TAB3: variants seen among roughly 807,000 people sequenced by gnomAD.
TAB3 encodes TGF-beta-activated kinase 1 and MAP3K7-binding protein 3.
A neutral mutation model predicts 48.1 loss-of-function variants in TAB3; 18 were observed. That is an observed-to-expected ratio of 0.37 (90% CI 0.26 to 0.55). TAB3 has a LOEUF of 0.55. Ranked by LOEUF, TAB3 falls within the 20% of genes least tolerant of loss-of-function variation. The probability of loss-of-function intolerance (pLI) is 0.78; values close to 1 mark genes in which losing one functional copy is unlikely to be tolerated. For missense variants in TAB3, 414 were observed against 549.8 expected (o/e 0.75, Z 2.47); for synonymous variants, 185 against 190.2 (o/e 0.97, Z 0.22).
At chrX:30,843,105 A>AT (rs746881054) in intron 8 of TAB3, 56 bp from the exon 9 acceptor site, 260 of 690,807 alleles carry the variant, frequency 3.8e-4, no homozygotes, top group African/African-American at 5.2e-4. Context: ...CTGTTATTTG[A>AT]TTTTTTTTTA....
intron 10 of TAB3, among the ~76,000 whole-genome samples, chrX:30,833,792 C>T (rs1255954464): frequency 5.2e-5 from 5 of 96,709 alleles, no homozygotes; most frequent in Non-Finnish European, 1.0e-4. Flanking sequence ...GATAGCGCCA[C>T]TGCACTCCAG....
rs1938006499 is a variant in TAB3 at position 30,830,913 on chromosome X, C to CCT, written c.*513_*514insAG. The CCT allele has an allele frequency of 2.8e-4, 2 of 7,242 alleles. No individual in the cohort carries two copies. The highest frequency in any genetic ancestry group is 4.0e-4 in the African/African-American group (1 of 2,528). The allele number at this position is 7,242 out of a possible 1,213,427, so 0.6% of individuals were successfully genotyped here. On this transcript the variant is annotated 3_prime_UTR_variant, in exon 11 of 11. Transcript: ENST00000288422. ...ATTACAAATACCCTTAATTAATTTG[C>CCT]CCCCCCCCCCCAAATATTCTAGGTG...
rs56260124 is a variant in TAB3, at chrX:30,839,914, T to TTA, written c.1888+3050_1888+3051dup. 6.5e-3 allele frequency among the ~76,000 whole-genome samples: 531 copies of TTA among 82,185 alleles called. 4 individuals are homozygous for TTA. The highest frequency in any genetic ancestry group is 0.051 in the South Asian group (77 of 1,521). The allele number at this position is 82,185 out of a possible 115,157, so 71.4% of individuals were successfully genotyped here. A position where few individuals can be genotyped will look rare whatever the true frequency, so the allele number is the denominator to read the frequency against. On this transcript the variant is annotated intron_variant, in intron 9 of 10. Transcript: ENST00000288422. Reference sequence around the variant, plus strand: ...TTCAGTTTCTTTATACATATATATATTATATATATATATATATATATATAT... The same window carrying TTA: ...TTCAGTTTCTTTATACATATATATATTATATATATATATATATATATATATAT...
Position 30,876,917 on chromosome X carries a change from G to A in TAB3, c.-382-5116C>T, listed in dbSNP as rs1939857251. 2.7e-5 allele frequency among the ~76,000 whole-genome samples: 3 copies of A among 111,233 alleles called. No individual in the cohort carries two copies. In the South Asian group the frequency reaches 1.1e-3, roughly 42 times the overall value. On this transcript the variant is annotated intron_variant, in intron 1 of 10. Transcript: ENST00000288422. ...GAAACATGGAAGATACAGTGAGAAA[G>A]GTCTAATATCCAAGAGTTAATCAGA...
rs368317516 is a variant in TAB3 at position 30,854,583 on chromosome X, C to A, written c.1082G>T (p.Gly361Val). Residue 361 changes from glycine to valine, a missense_variant, in exon 6 of 11, where the codon GGT (glycine) becomes GTT (valine). By Grantham distance (109) the Gly-to-Val change is moderately radical. Transcript: ENST00000288422. Reference protein sequence around the residue: ...LPYTASSLSKGSMKKIEITVE... With the variant: ...LPYTASSLSKVSMKKIEITVE... ...TGTAATTTCTATCTTCTTCATGGAA[C>A]CTTTGGATAAACTAGATGCTGTGTA... 1.1e-4 allele frequency: 133 copies of A among 1,209,585 alleles called. No individual in the cohort carries two copies. Among genetic ancestry groups the A allele is most frequent in the Non-Finnish European group, 1.4e-4 (124 of 895,109 alleles).
chrX:30,844,084 G>T (rs1340760474), intron 8 of TAB3: 1 of 108,023 alleles, frequency 9.3e-6, no homozygotes, highest in Non-Finnish European at 1.9e-5. Context: ...TTATTCCCCT[G>T]CCTCCCCCCG....
At chrX:30,864,056 AATG>A (rs1248967077) in intron 4 of TAB3, among the ~76,000 whole-genome samples, 1 of 111,594 alleles carries the variant, frequency 9.0e-6, no homozygotes, top group Non-Finnish European at 1.9e-5. Context: ...ATAAGTGCTG[AATG>A]ATGATTTGTC....
At chrX:30,852,551 G>A (rs1040804780) in intron 7 of TAB3, among the ~76,000 whole-genome samples, 11 of 111,081 alleles carry the variant, frequency 9.9e-5, no homozygotes, top group Non-Finnish European at 1.5e-4. Context: ...GATTATAATC[G>A]TCAGTGTTTG....
In TAB3 at chrX:30,882,744, T is replaced by C. The variant is rs183037496; in HGVS notation, c.-383+6370A>G. 1.1e-4 allele frequency among the ~76,000 whole-genome samples: 12 copies of C among 112,213 alleles called. No individual in the cohort carries two copies. The Admixed American group carries it at 1.1e-3, about 11-fold the overall frequency. On this transcript the variant is annotated intron_variant, in intron 1 of 10. Coordinates refer to ENST00000288422, the MANE Select transcript of TAB3 (RefSeq NM_152787.5). ...AACAACTCAGTGCAACATGGTATCC[T>C]GGAACAGCAAAAGGACATTAGTGAG...
intron 9 of TAB3, chrX:30,835,973 C>T (rs944080143): frequency 1.8e-5 from 2 of 111,905 alleles, no homozygotes; most frequent in Admixed American, 1.9e-4. Flanking sequence ...GAGTGGCCTG[C>T]AATAGCAGGC....
chrX:30,846,952 C>G (rs1569208314), intron 7 of TAB3, among the ~76,000 whole-genome samples: 1 of 111,341 alleles, frequency 9.0e-6, no homozygotes, highest in African/African-American at 3.3e-5. Flanking sequence ...TATTTTGTGT[C>G]TATGTTTTCA....
intron 4 of TAB3, among the ~76,000 whole-genome samples, chrX:30,862,273 G>A (rs1402385450): frequency 2.7e-5 from 3 of 112,034 alleles, no homozygotes; most frequent in Non-Finnish European, 5.6e-5. Flanking sequence ...AGTATTTTAG[G>A]TGCTAAACCA....
intron 5 of TAB3, among the ~76,000 whole-genome samples, chrX:30,859,238 T>C (rs192398588): frequency 9.0e-6 from 1 of 110,806 alleles, no homozygotes; most frequent in South Asian, 3.9e-4. Context: ...TGTTATTTAC[T>C]GGGTAGAGGC....
intron 5 of TAB3, among the ~76,000 whole-genome samples, chrX:30,857,917 A>C (rs921842654): frequency 1.8e-5 from 2 of 111,860 alleles, no homozygotes; most frequent in African/African-American, 3.2e-5. Flanking sequence ...GAGGCAAAAA[A>C]GCATCATATT....
In TAB3 at chrX:30,834,148, G is replaced by A. The variant is rs1178108824; in HGVS notation, c.1893C>T (p.Ser631=). ...TTCTCTCAATTGTGCAGGGGTCTGA[G>A]GAGTCTGCATAAAAATAAACAACGC... is the stretch of plus-strand genomic sequence containing the variant. ...VVPPKPSKKD[S]SDPCTIERKA... is the part of the protein sequence containing the mutation. The change falls in exon 10 of 11, where the codon TCC becomes TCT. Residue 631 remains serine (S), a synonymous_variant. Transcript: ENST00000288422. The A allele has an allele frequency of 3.3e-6, 4 of 1,208,025 alleles. No homozygotes were observed. The highest frequency in any genetic ancestry group is 4.5e-6 in the Non-Finnish European group (4 of 892,777).
intron 1 of TAB3, among the ~76,000 whole-genome samples, chrX:30,873,193 C>T (rs183609450): frequency 1.2e-4 from 13 of 112,046 alleles, no homozygotes; most frequent in African/African-American, 3.9e-4. Context: ...CCTTGAACAG[C>T]ACAGGTTTGA....
At position 30,830,572 on chromosome X, in the gene TAB3, C is replaced by A. The variant is rs142193731; in HGVS notation, c.*855G>T. The A allele has an allele frequency of 8.9e-6, 1 of 112,261 alleles. No homozygotes were observed. The highest frequency in any genetic ancestry group is 3.2e-5 in the African/African-American group (1 of 30,850). 9.3% of individuals were successfully genotyped at this position (112,261 alleles called of 1,213,427 possible). On this transcript the variant is annotated 3_prime_UTR_variant, in exon 11 of 11. Coordinates refer to ENST00000288422, the MANE Select transcript of TAB3 (RefSeq NM_152787.5). ...TACATTCACTGTGCTACTGGCAAAG[C>A]GCAGTTTTACGAGAATATCATTTAT...
intron 7 of TAB3, among the ~76,000 whole-genome samples, chrX:30,851,380 T>C (rs1938843337): frequency 9.0e-6 from 1 of 111,618 alleles, no homozygotes; most frequent in Non-Finnish European, 1.9e-5. Flanking sequence ...GCCAGGGAAC[T>C]GTAGTTACTG....
intron 7 of TAB3, among the ~76,000 whole-genome samples, chrX:30,852,451 CAAAG>C (rs1043014756): frequency 6.3e-5 from 4 of 63,968 alleles, no homozygotes; most frequent in Admixed American, 4.3e-4. Context: ...AATGAATACA[CAAAG>C]AATAAATTCA....
Sources: gnomAD v4.1 joint callset for allele counts (sites outside exome capture counted in the v4.1 genomes callset) on GRCh38, gnomAD v4.1.1 for gene constraint, MANE v1.5 for transcripts, NCBI Gene and HGNC (gene_info 2026-07-23, HGNC 2026-07-21) for gene names.